EFNA5: variants seen among roughly 807,000 people sequenced by gnomAD.
EFNA5 encodes the protein ephrin A5.
A neutral mutation model predicts 22.9 loss-of-function variants in EFNA5; 5 were observed. That is an observed-to-expected ratio of 0.22 (90% CI 0.11 to 0.46). The LOEUF (loss-of-function observed/expected upper bound fraction) is 0.46, where lower values mean the gene tolerates loss of function less well. EFNA5 is among the 20% of genes least tolerant of loss of function. The pLI, the probability that EFNA5 is intolerant of heterozygous loss-of-function variation, is 0.99. For missense variants in EFNA5, 237 were observed against 293.3 expected (o/e 0.81, Z 1.40); for synonymous variants, 113 against 112.2 (o/e 1.01, Z -0.04).
rs891915477 is a variant in EFNA5 at position 107,379,662 on chromosome 5, G to A, written c.*1593C>T. 2.0e-5 allele frequency: 3 copies of A among 151,086 alleles called. No homozygotes were observed. Among genetic ancestry groups the A allele is most frequent in the African/African-American group, 7.3e-5 (3 of 41,064 alleles). 9.4% of individuals were successfully genotyped at this position (151,086 alleles called of 1,614,324 possible). On this transcript the variant is annotated 3_prime_UTR_variant, in exon 5 of 5. Coordinates refer to ENST00000333274, the MANE Select transcript of EFNA5 (RefSeq NM_001962.3). ...GCCCCACCACCAGTAGAAACCCCAAGGCTTGCATTTCCTGGTAATCGACTG... is the reference window on the plus strand; with the variant it reads ...GCCCCACCACCAGTAGAAACCCCAAAGCTTGCATTTCCTGGTAATCGACTG...
At chr5:107,513,640 G>A (rs1158654833) in intron 1 of EFNA5, among the ~76,000 whole-genome samples, 3 of 152,142 alleles carry the variant, frequency 2.0e-5, no homozygotes, top group Non-Finnish European at 4.4e-5. Flanking sequence ...TCTACATGAC[G>A]GGTGCTGTGG....
intron 1 of EFNA5, among the ~76,000 whole-genome samples, chr5:107,608,123 T>A (rs1225392992): frequency 6.6e-6 from 1 of 152,218 alleles, no homozygotes; most frequent in Non-Finnish European, 1.5e-5. Context: ...TGCAATTAAT[T>A]CTGAAGCATG....
chr5:107,509,304 T>G (rs1217376693), intron 1 of EFNA5, among the ~76,000 whole-genome samples: 1 of 151,502 alleles, frequency 6.6e-6, no homozygotes, highest in Admixed American at 6.6e-5. Flanking sequence ...GAGTGTCAAC[T>G]CTTTTTCTTT....
In EFNA5 at chr5:107,580,160, C is replaced by T. The variant is rs148283670; in HGVS notation, c.125+90329G>A. ...TTAAAGAGTTCTTTTCAGTGACCAA[C>T]TGCCAGTGCAATTGAAGATACTTAA... On this transcript the variant is annotated intron_variant, in intron 1 of 4. Transcript: ENST00000333274. 5.3e-5 allele frequency among the ~76,000 whole-genome samples: 8 copies of T among 152,314 alleles called. 1 individual carries two copies. In the East Asian group the frequency reaches 1.5e-3, roughly 29 times the overall value.
chr5:107,381,815 C>T (rs1747470788), intron 4 of EFNA5, among the ~76,000 whole-genome samples: 1 of 152,088 alleles, frequency 6.6e-6, no homozygotes, highest in Admixed American at 6.6e-5. Context: ...TGCCCATTTC[C>T]CTTCTTTTAG....
chr5:107,651,507 T>C (rs1003025862), intron 1 of EFNA5, among the ~76,000 whole-genome samples: 26 of 152,026 alleles, frequency 1.7e-4, no homozygotes, highest in African/African-American at 6.3e-4. Flanking sequence ...CAAAGAGCCA[T>C]AGGGGGTCCT....
chr5:107,635,956 A>C (rs1278768297), intron 1 of EFNA5, among the ~76,000 whole-genome samples: 1 of 152,196 alleles, frequency 6.6e-6, no homozygotes, highest in Admixed American at 6.5e-5. Context: ...AATATTATTA[A>C]AGCATCAATG....
chr5:107,568,311 G>GA (rs1748704453), intron 1 of EFNA5, among the ~76,000 whole-genome samples: 1 of 152,188 alleles, frequency 6.6e-6, no homozygotes, highest in Non-Finnish European at 1.5e-5. Flanking sequence ...AAAAAAAGGA[G>GA]AAAAGACAAA....
intron 1 of EFNA5, among the ~76,000 whole-genome samples, chr5:107,448,437 T>C (rs964902368): frequency 1.3e-5 from 2 of 152,100 alleles, no homozygotes; most frequent in African/African-American, 2.4e-5. Flanking sequence ...TATGACTGCA[T>C]AGACATGACA....
chr5:107,430,648 C>T (rs911151649), intron 1 of EFNA5, among the ~76,000 whole-genome samples: 3 of 152,070 alleles, frequency 2.0e-5, no homozygotes, highest in African/African-American at 7.2e-5. Context: ...GCTGAAGACC[C>T]ATTCTACTTT....
chr5:107,424,734 C>G (rs930077879), intron 2 of EFNA5, among the ~76,000 whole-genome samples: 25 of 152,090 alleles, frequency 1.6e-4, no homozygotes, highest in Non-Finnish European at 2.9e-5. Flanking sequence ...GAGGAAAATT[C>G]AACTGAGGGC....
intron 1 of EFNA5, among the ~76,000 whole-genome samples, chr5:107,428,156 G>T (rs938759033): frequency 6.6e-6 from 1 of 152,112 alleles, no homozygotes; most frequent in Non-Finnish European, 1.5e-5. Context: ...TGGAGACTTC[G>T]GATCCCAGTT....
Position 107,381,176 on chromosome 5 carries a change from T to C in EFNA5, c.*79A>G. On this transcript the variant is annotated 3_prime_UTR_variant, in exon 5 of 5. Transcript: ENST00000333274. ...CCAAAACCCAATAACAAGTCCCTTC[T>C]TAGGATGAGCAGTTAGGTGGATCTC... The C allele has an allele frequency of 6.6e-7, 1 of 1,518,702 alleles. No homozygotes were observed. Among genetic ancestry groups the C allele is most frequent in the Non-Finnish European group, 8.9e-7 (1 of 1,120,212 alleles). 94.1% of individuals were successfully genotyped at this position (1,518,702 alleles called of 1,614,324 possible). A position where few individuals can be genotyped will look rare whatever the true frequency, so the allele number is the denominator to read the frequency against.
At chr5:107,564,061 C>G (rs886826922) in intron 1 of EFNA5, among the ~76,000 whole-genome samples, 1 of 152,110 alleles carries the variant, frequency 6.6e-6, no homozygotes, top group Non-Finnish European at 1.5e-5. Context: ...ATTACGCCTG[C>G]TATTTTCCTC....
At chr5:107,457,231 G>A (rs1749718829) in intron 1 of EFNA5, among the ~76,000 whole-genome samples, 1 of 152,028 alleles carries the variant, frequency 6.6e-6, no homozygotes, top group South Asian at 2.1e-4. Flanking sequence ...ATTCATTGCT[G>A]ACCTGTTATG....
At chr5:107,585,110 GAAT>G (rs1238573740) in intron 1 of EFNA5, among the ~76,000 whole-genome samples, 1 of 152,150 alleles carries the variant, frequency 6.6e-6, no homozygotes, top group Non-Finnish European at 1.5e-5. Flanking sequence ...TCTACCCTGG[GAAT>G]AAATCCCTTC....
chr5:107,528,305 A>G (rs1001066912), intron 1 of EFNA5, among the ~76,000 whole-genome samples: 5 of 152,248 alleles, frequency 3.3e-5, no homozygotes, highest in Admixed American at 2.6e-4. Flanking sequence ...GACACTCATT[A>G]TAACAGGAGA....
At chr5:107,488,793 G>A (rs1224426465) in intron 1 of EFNA5, among the ~76,000 whole-genome samples, 2 of 152,172 alleles carry the variant, frequency 1.3e-5, no homozygotes, top group African/African-American at 4.8e-5. Flanking sequence ...CTGGGTTGAA[G>A]CGAGTCTCCC....
intron 1 of EFNA5, among the ~76,000 whole-genome samples, chr5:107,516,695 T>G (rs1747489008): frequency 6.6e-6 from 1 of 152,190 alleles, no homozygotes; most frequent in Non-Finnish European, 1.5e-5. Flanking sequence ...GATGATGTTT[T>G]CCCTCAATGG....
Sources: gnomAD v4.1 joint callset for allele counts (sites outside exome capture counted in the v4.1 genomes callset) on GRCh38, gnomAD v4.1.1 for gene constraint, MANE v1.5 for transcripts, NCBI Gene and HGNC (gene_info 2026-07-23, HGNC 2026-07-21) for gene names.